The following LIN7A variants were observed in gnomAD, a reference collection of about 807,000 sequenced individuals.
The protein encoded by LIN7A is lin-7 cell polarity scaffold A.
In LIN7A, 25 loss-of-function variants were observed where a neutral mutation model predicts 29.8. That is an observed-to-expected ratio of 0.84 (90% CI 0.61 to 1.17). The LOEUF (loss-of-function observed/expected upper bound fraction) is 1.17, where lower values mean the gene tolerates loss of function less well. Among genes scored for constraint, LIN7A ranks in the 50% most tolerant of loss-of-function variants. The pLI is 0.00. For synonymous variants in LIN7A, 118 were observed against 107.5 expected, an observed-to-expected ratio of 1.10 and a Z score of -0.60; for missense variants, 239 against 287.0, an observed-to-expected ratio of 0.83 and a Z score of 1.21.
At position 80,842,112 on chromosome 12, in the gene LIN7A, T is replaced by C. The variant is rs761929295; in HGVS notation, c.483+3618A>G. ...TGAGCTGACATGAGTTTCCATCTGT[T>C]TTTGACTTCTTAGAAGCTAGGAGGA... On this transcript the variant is annotated intron_variant, in intron 4 of 5. Transcript: ENST00000552864. 5 of 1,287,890 alleles carry C rather than the reference T, an allele frequency of 3.9e-6. No individual in the cohort carries two copies. In the South Asian group the frequency reaches 6.2e-5, roughly 16 times the overall value. 79.8% of individuals were successfully genotyped at this position (1,287,890 alleles called of 1,614,324 possible).
intron 2 of LIN7A, among the ~76,000 whole-genome samples, chr12:80,850,226 T>C (rs1434772944): frequency 6.6e-6 from 1 of 152,194 alleles, no homozygotes; most frequent in African/African-American, 2.4e-5. Context: ...AGCTGTACCA[T>C]TTAATTGTAT....
intron 1 of LIN7A, among the ~76,000 whole-genome samples, chr12:80,925,631 T>G (rs911377596): frequency 9.9e-5 from 15 of 152,208 alleles, no homozygotes; most frequent in African/African-American, 2.9e-4. Flanking sequence ...AAACTGAGAC[T>G]TATTCAAGTA....
intron 2 of LIN7A, among the ~76,000 whole-genome samples, chr12:80,880,286 A>C (rs1184776): frequency 6.6e-6 from 1 of 151,956 alleles, no homozygotes; most frequent in South Asian, 2.1e-4. Flanking sequence ...ACATCTACAA[A>C]GAAGTCCATC....
chr12:80,925,009 T>TA (rs1276869659), intron 1 of LIN7A, among the ~76,000 whole-genome samples: 2 of 152,190 alleles, frequency 1.3e-5, no homozygotes, highest in South Asian at 2.1e-4. Flanking sequence ...TTTTCTTGAA[T>TA]AAAAAATGTC....
intron 1 of LIN7A, among the ~76,000 whole-genome samples, chr12:80,914,319 G>T (rs1876921244): frequency 6.6e-6 from 1 of 152,084 alleles, no homozygotes; most frequent in South Asian, 2.1e-4. Context: ...CTTCAATTTT[G>T]TTTAACCCAG....
At chr12:80,815,901 T>C (rs1871507512) in intron 4 of LIN7A, among the ~76,000 whole-genome samples, 1 of 152,094 alleles carries the variant, frequency 6.6e-6, no homozygotes, top group African/African-American at 2.4e-5. Context: ...GGGTATATAG[T>C]AGGTACCCAG....
At position 80,795,284 on chromosome 12, in the gene LIN7A, C is replaced by G. The variant is rs1267263012; in HGVS notation, c.*2443G>C. On this transcript the variant is annotated 3_prime_UTR_variant, in exon 6 of 6. Coordinates refer to ENST00000552864, the MANE Select transcript of LIN7A (RefSeq NM_004664.4). ...GATTAAAACTTTAGGAAAAGACTTA[C>G]ATTTCAACCAACAAGATTTTACTGA... The G allele has an allele frequency of 1.3e-5, 2 of 152,078 alleles. No individual in the cohort carries two copies. Among genetic ancestry groups the G allele is most frequent in the African/African-American group, 4.8e-5 (2 of 41,436 alleles). 9.4% of individuals were successfully genotyped at this position (152,078 alleles called of 1,614,324 possible). A position where few individuals can be genotyped will look rare whatever the true frequency, so the allele number is the denominator to read the frequency against.
chr12:80,899,022 A>T (rs1312963366), intron 1 of LIN7A, among the ~76,000 whole-genome samples: 1 of 151,988 alleles, frequency 6.6e-6, no homozygotes, highest in East Asian at 1.9e-4. Context: ...TACTATGTCG[A>T]GTAGGAGTGG....
chr12:80,826,731 C>T (rs1469591337), intron 4 of LIN7A, among the ~76,000 whole-genome samples: 1 of 152,116 alleles, frequency 6.6e-6, no homozygotes, highest in Non-Finnish European at 1.5e-5. Context: ...CCGTGTTGGC[C>T]AGGTTGGTCT....
chr12:80,871,699 G>A (rs918891335), intron 2 of LIN7A, among the ~76,000 whole-genome samples: 2 of 151,756 alleles, frequency 1.3e-5, no homozygotes, highest in African/African-American at 4.8e-5. Flanking sequence ...TAAATATTTT[G>A]CTTGTAAACT....
intron 4 of LIN7A, among the ~76,000 whole-genome samples, chr12:80,829,314 T>C (rs1011534188): frequency 6.6e-6 from 1 of 152,178 alleles, no homozygotes; most frequent in Non-Finnish European, 1.5e-5. Flanking sequence ...TCAGTCACAA[T>C]GTAATGCCAA....
At position 80,811,560 on chromosome 12, in the gene LIN7A, G is replaced by C; in HGVS notation, c.607C>G (p.Leu203Val). The change falls in exon 5 of 6, where the codon CTA becomes GTA. Residue 203 changes from leucine (L) to valine (V), a missense_variant. Physicochemically the swap from Leu to Val is conservative, Grantham distance 32. Coordinates refer to ENST00000552864, the MANE Select transcript of LIN7A (RefSeq NM_004664.4). ...LEEMEARFEK[L>V]RTARRRQQQQ... ...TGCTGCCGACGCCTGGCTGTTCGTA[G>C]CTTTTCAAAGCGAGCCTCCATTTCT... 1.2e-6 allele frequency: 2 copies of C among 1,614,024 alleles called. No homozygotes were observed. The highest frequency in any genetic ancestry group is 1.7e-6 in the Non-Finnish European group (2 of 1,179,988).
intron 1 of LIN7A, among the ~76,000 whole-genome samples, chr12:80,927,155 CTTTT>C (rs929026269): frequency 9.9e-4 from 75 of 75,522 alleles, no homozygotes; most frequent in African/African-American, 3.8e-3. Flanking sequence ...TTTTCTTTTT[CTTTT>C]TTTTTTTTTT....
chr12:80,878,235 C>T lies in LIN7A; in HGVS notation c.201+11016G>A, dbSNP rs186427428. On this transcript the variant is annotated intron_variant, in intron 2 of 5. Transcript: ENST00000552864. ...TTAAGATGGTTCCTGTACTTGCTGC[C>T]AGAAAGTGACAAGTTGATGTTACAA... Among the ~76,000 whole-genome samples the T allele has an allele frequency of 2.6e-5, 4 of 152,180 alleles. No homozygotes were observed. In the East Asian group the frequency reaches 7.7e-4, roughly 29 times the overall value.
intron 1 of LIN7A, among the ~76,000 whole-genome samples, chr12:80,900,025 C>T (rs1565921424): frequency 1.3e-5 from 2 of 151,852 alleles, no homozygotes; most frequent in African/African-American, 2.4e-5. Flanking sequence ...CCTCGGCCTC[C>T]CTCCTCTAGG....
chr12:80,821,190 G>T (rs969857397), intron 4 of LIN7A, among the ~76,000 whole-genome samples: 1 of 152,158 alleles, frequency 6.6e-6, no homozygotes, highest in Non-Finnish European at 1.5e-5. Flanking sequence ...CCAGGGATTG[G>T]GGTCAGGAGG....
chr12:80,860,864 T>G (rs1873838739), intron 2 of LIN7A: 1 of 152,242 alleles, frequency 6.6e-6, no homozygotes, highest in South Asian at 2.1e-4. Context: ...GCATTAAGTT[T>G]CTTTTGAATA....
In LIN7A at chr12:80,793,993, A is replaced by T. The variant is rs952355040; in HGVS notation, c.*3734T>A. On this transcript the variant is annotated 3_prime_UTR_variant, in exon 6 of 6. Transcript: ENST00000552864. The stretch of plus-strand genomic sequence containing the variant: ...AACATTGTTCCTTATCCACTGTTCA[A>T]ATGTCCTCAAATCTTTGAAGCCTTT... 7 of 152,190 alleles carry T rather than the reference A, an allele frequency of 4.6e-5. No homozygotes were observed. The highest frequency in any genetic ancestry group is 7.2e-5 in the African/African-American group (3 of 41,458). 9.4% of individuals were successfully genotyped at this position (152,190 alleles called of 1,614,324 possible).
intron 1 of LIN7A, among the ~76,000 whole-genome samples, chr12:80,932,592 T>A (rs1169166761): frequency 1.3e-5 from 2 of 152,206 alleles, no homozygotes; most frequent in Non-Finnish European, 2.9e-5. Flanking sequence ...TAATTATTCA[T>A]TTTTCTCCAA....
Sources: gnomAD v4.1 joint callset for allele counts (sites outside exome capture counted in the v4.1 genomes callset) on GRCh38, gnomAD v4.1.1 for gene constraint, MANE v1.5 for transcripts, NCBI Gene and HGNC (gene_info 2026-07-23, HGNC 2026-07-21) for gene names.